NBAS: variants seen among roughly 807,000 people sequenced by gnomAD.
NBAS encodes the protein NBAS subunit of NRZ tethering complex, also known as NAG/BC035112 fusion.
NBAS carries 219 observed loss-of-function variants against 302.5 expected under a neutral mutation model. The observed-to-expected ratio is 0.72, with a 90% CI of 0.65 to 0.81. The LOEUF (loss-of-function observed/expected upper bound fraction) is 0.81. NBAS is among the 30% of genes least tolerant of loss of function. The pLI is 0.00. For missense variants in NBAS, 2,932 were observed against 2,841.6 expected, an observed-to-expected ratio of 1.03 and a Z score of -0.72; for synonymous variants, 1,118 against 1,021.6, an observed-to-expected ratio of 1.09 and a Z score of -1.80.
chr2:14,860,230 CGG>C, the NBAS span, among the ~76,000 whole-genome samples: 1 of 151,992 alleles, frequency 6.6e-6, no homozygotes, highest in Non-Finnish European at 1.5e-5. Context: ...ACATTGTTGA[CGG>C]GAATGTAAAT....
the NBAS span, among the ~76,000 whole-genome samples, chr2:15,148,371 G>A: frequency 6.6e-6 from 1 of 152,134 alleles, no homozygotes; most frequent in African/African-American, 2.4e-5. Context: ...AAAAACTTAA[G>A]TTGAGGGGCA....
At chr2:15,511,107 T>C (rs1662118494) in intron 10 of NBAS, 105 bp downstream of exon 10, 26 of 1,382,274 alleles carry the variant, frequency 1.9e-5, no homozygotes, top group Non-Finnish European at 2.5e-5. Context: ...TCATTCAAGA[T>C]GAAATTATTT....
intron 40 of NBAS, among the ~76,000 whole-genome samples, chr2:15,298,858 G>A (rs1442122534): frequency 6.6e-6 from 1 of 152,122 alleles, no homozygotes; most frequent in Non-Finnish European, 1.5e-5. Flanking sequence ...TCTTGTTTTA[G>A]AGACACGCCC....
chr2:14,801,444 C>A, the NBAS span, among the ~76,000 whole-genome samples: 1 of 151,368 alleles, frequency 6.6e-6, no homozygotes, highest in Non-Finnish European at 1.5e-5. Context: ...ACTATTAATC[C>A]CATTCAGTAT....
chr2:14,947,442 T>C, the NBAS span, among the ~76,000 whole-genome samples: 2 of 152,078 alleles, frequency 1.3e-5, no homozygotes, highest in Non-Finnish European at 2.9e-5. Flanking sequence ...ACTGGAAATA[T>C]ACAACCTACC....
At chr2:15,324,343 T>TAA (rs547644713) in intron 38 of NBAS, among the ~76,000 whole-genome samples, 1 of 152,278 alleles carries the variant, frequency 6.6e-6, no homozygotes, top group East Asian at 1.9e-4. Context: ...TGGCCACACA[T>TAA]ACCCTTCCTC....
chr2:15,293,003 G>A (rs946953763), intron 40 of NBAS, among the ~76,000 whole-genome samples: 7 of 152,038 alleles, frequency 4.6e-5, no homozygotes, highest in Non-Finnish European at 7.4e-5. Context: ...TTGAACTCTT[G>A]CTCTGTTATT....
chr2:15,091,069 C>T, the NBAS span, among the ~76,000 whole-genome samples: 2 of 152,306 alleles, frequency 1.3e-5, no homozygotes, highest in East Asian at 1.9e-4. Flanking sequence ...CTAGGCATCT[C>T]TGGTTGAAAA....
the NBAS span, among the ~76,000 whole-genome samples, chr2:14,817,632 G>C: frequency 1.3e-5 from 2 of 152,142 alleles, no homozygotes; most frequent in East Asian, 1.9e-4. Context: ...TGTAAATGTT[G>C]ATAGGTTGAG....
intron 47 of NBAS, among the ~76,000 whole-genome samples, chr2:15,222,997 G>A (rs1315227696): frequency 6.6e-6 from 1 of 152,190 alleles, no homozygotes; most frequent in Non-Finnish European, 1.5e-5. Context: ...AAAATTATGA[G>A]AAGTCCTTCC....
chr2:14,818,191 C>A, the NBAS span, among the ~76,000 whole-genome samples: 6 of 152,260 alleles, frequency 3.9e-5, no homozygotes, highest in Non-Finnish European at 8.8e-5. Context: ...TTAGAAATCA[C>A]CTCCTACTTC....
At chr2:15,067,744 T>C in the NBAS span, among the ~76,000 whole-genome samples, 1 of 152,172 alleles carries the variant, frequency 6.6e-6, no homozygotes, top group Non-Finnish European at 1.5e-5. Context: ...TTTAGAGATC[T>C]GCTGTCCAAC....
chr2:14,940,255 GCTGGAAAGTTCTCATTTACA>G, the NBAS span, among the ~76,000 whole-genome samples: 1 of 152,146 alleles, frequency 6.6e-6, no homozygotes. Flanking sequence ...AGACCTGACT[GCTGGAAAGTTCTCATTTACA>G]CTGAGGTACT....
the NBAS span, among the ~76,000 whole-genome samples, chr2:14,934,501 T>A: frequency 6.6e-6 from 1 of 152,168 alleles, no homozygotes; most frequent in Admixed American, 6.5e-5. Context: ...TAGAAAGAAC[T>A]GAGTAGTATG....
the NBAS span, among the ~76,000 whole-genome samples, chr2:14,975,715 G>A: frequency 6.6e-5 from 10 of 152,144 alleles, no homozygotes; most frequent in African/African-American, 2.4e-4. Context: ...TCCCACATAC[G>A]TTGATAATTT....
intron 6 of NBAS, among the ~76,000 whole-genome samples, chr2:15,549,360 T>A (rs1000064432): frequency 2.6e-5 from 4 of 152,118 alleles, no homozygotes; most frequent in African/African-American, 9.7e-5. Flanking sequence ...CAGACTGTTG[T>A]AAGAAACCAA....
At chr2:15,092,247 T>C in the NBAS span, among the ~76,000 whole-genome samples, 1 of 152,188 alleles carries the variant, frequency 6.6e-6, no homozygotes, top group African/African-American at 2.4e-5. Context: ...AGGGTTCCCA[T>C]AGGAACACCC....
intron 21 of NBAS, among the ~76,000 whole-genome samples, chr2:15,429,596 A>G (rs1420837734): frequency 2.0e-5 from 3 of 152,290 alleles, no homozygotes; most frequent in African/African-American, 7.2e-5. Context: ...CGACTGATCA[A>G]TCAACAGCAT....
chr2:14,828,033 A>G, the NBAS span, among the ~76,000 whole-genome samples: 7 of 152,214 alleles, frequency 4.6e-5, no homozygotes, highest in Admixed American at 4.6e-4. Flanking sequence ...ACACAAAAAC[A>G]TACTATAATC....
Sources: allele counts gnomAD v4.1 joint callset (sites outside exome capture counted in the v4.1 genomes callset), GRCh38; gene constraint gnomAD v4.1.1; transcripts MANE v1.5; gene names NCBI Gene and HGNC (gene_info 2026-07-23, HGNC 2026-07-21).